The following BAZ2B variants were observed in gnomAD, a reference collection of about 807,000 sequenced individuals.
BAZ2B encodes the protein bromodomain adjacent to zinc finger domain protein 2B.
In BAZ2B, 91 loss-of-function variants were observed where a neutral mutation model predicts 246.0. The ratio of observed to expected loss-of-function variants is 0.37; its 90% CI spans 0.31 to 0.44. The LOEUF (loss-of-function observed/expected upper bound fraction) is 0.44, where lower values mean the gene tolerates loss of function less well. Among genes scored for constraint, BAZ2B ranks in the 20% least tolerant of loss-of-function variants. The pLI is 1.00. For missense variants in BAZ2B, 2,332 were observed against 2,533.7 expected, an observed-to-expected ratio of 0.92 and a Z score of 1.71; for synonymous variants, 855 against 860.0, an observed-to-expected ratio of 0.99 and a Z score of 0.10.
At chr2:159,378,075 A>T (rs1224727974) in intron 25 of BAZ2B, among the ~76,000 whole-genome samples, 1 of 152,198 alleles carries the variant, frequency 6.6e-6, no homozygotes, top group Non-Finnish European at 1.5e-5. Context: ...CTTTAAAACA[A>T]TTTATAATGT....
At chr2:159,570,589 T>C (rs148139688) in intron 1 of BAZ2B, among the ~76,000 whole-genome samples, 34 of 152,334 alleles carry the variant, frequency 2.2e-4, no homozygotes, top group African/African-American at 7.5e-4. Flanking sequence ...CCTGAGAAGA[T>C]AGTGACCTCA....
At chr2:159,398,111 A>C (rs1412604198) in intron 18 of BAZ2B, 1 of 152,124 alleles carries the variant, frequency 6.6e-6, no homozygotes. Flanking sequence ...AAAAATAAAC[A>C]GTTCCCTGGC....
chr2:159,521,488 T>C (rs901993249), intron 2 of BAZ2B, among the ~76,000 whole-genome samples: 1 of 152,066 alleles, frequency 6.6e-6, no homozygotes, highest in African/African-American at 2.4e-5. Flanking sequence ...GAACAGACAT[T>C]GCATAACAAT....
chr2:159,680,751 T>A, the BAZ2B span, among the ~76,000 whole-genome samples: 1 of 152,148 alleles, frequency 6.6e-6, no homozygotes, highest in Non-Finnish European at 1.5e-5. Flanking sequence ...TCCTTATTCC[T>A]GTCCTTTGCA....
intron 2 of BAZ2B, among the ~76,000 whole-genome samples, chr2:159,507,153 T>C (rs2082416625): frequency 1.3e-5 from 2 of 152,194 alleles, no homozygotes; most frequent in South Asian, 4.1e-4. Flanking sequence ...AATGCTTAGA[T>C]GGTCGTCAAA....
the BAZ2B span, among the ~76,000 whole-genome samples, chr2:159,651,173 T>C: frequency 6.6e-6 from 1 of 152,212 alleles, no homozygotes; most frequent in Non-Finnish European, 1.5e-5. Context: ...ATTTTACCAT[T>C]ACTCTTACAT....
chr2:159,358,865 G>A (rs2059387233), intron 27 of BAZ2B, among the ~76,000 whole-genome samples: 1 of 152,026 alleles, frequency 6.6e-6, no homozygotes, highest in African/African-American at 2.4e-5. Context: ...ATGACTACTG[G>A]GTAAATAACG....
chr2:159,320,335 A>G lies in BAZ2B; in HGVS notation c.6437T>C (p.Ile2146Thr), dbSNP rs1348919395. ...CCTCATATTGTGGCCAGCTCTGCCT[A>G]TATCAGAATCATCTTCATTAAATGT... ...CETFNEDDSD[I>T]GRAGHNMRKY... is the part of the protein sequence containing the mutation. Residue 2146 changes from isoleucine to threonine, a missense_variant, in exon 37 of 37, where the codon ATA becomes ACA. Around this residue, in one of 9 missense-constraint regions of BAZ2B, gnomAD observed 210 missense variants for 232.5 expected, o/e 0.90. Transcript: ENST00000392783. 6.3e-7 allele frequency: 1 copy of G among 1,584,898 alleles called. No homozygotes were observed. The highest frequency in any genetic ancestry group is 8.5e-7 in the Non-Finnish European group (1 of 1,172,752).
At chr2:159,574,679 T>C (rs1684864327) in intron 1 of BAZ2B, among the ~76,000 whole-genome samples, 1 of 152,142 alleles carries the variant, frequency 6.6e-6, no homozygotes, top group Admixed American at 6.5e-5. Context: ...CAATGAAATA[T>C]TATTTGGTAA....
At chr2:159,440,648 T>A (rs2150305324) in intron 6 of BAZ2B, among the ~76,000 whole-genome samples, 1 of 152,014 alleles carries the variant, frequency 6.6e-6, no homozygotes, top group African/African-American at 2.4e-5. Context: ...CCTGAGTAGC[T>A]GGGATTACAG....
At chr2:159,675,595 T>A in the BAZ2B span, among the ~76,000 whole-genome samples, 1 of 152,208 alleles carries the variant, frequency 6.6e-6, no homozygotes, top group Non-Finnish European at 1.5e-5. Context: ...AGGTACAATT[T>A]TATCTAAAAT....
the BAZ2B span, among the ~76,000 whole-genome samples, chr2:159,642,290 TGCAATA>T: frequency 2.7e-5 from 4 of 148,358 alleles, no homozygotes; most frequent in Admixed American, 2.8e-4. Context: ...TAGGCTGGAG[TGCAATA>T]GCACCATCTT....
chr2:159,635,043 C>T, the BAZ2B span, among the ~76,000 whole-genome samples: 2 of 152,042 alleles, frequency 1.3e-5, no homozygotes, highest in Non-Finnish European at 2.9e-5. Context: ...TTTAGTATGG[C>T]TAAAGTCTAG....
rs200894573 is a variant in BAZ2B at position 159,369,094 on chromosome 2, ATTATC to A, written c.4213+3946_4213+3950del. Among the ~76,000 whole-genome samples, 4 of 152,302 alleles carry A rather than the reference ATTATC, an allele frequency of 2.6e-5. No homozygotes were observed. In the East Asian group the frequency reaches 7.7e-4, roughly 29 times the overall value. ...ATGTGCTAAAATAATGGTCTAATTA[ATTATC>A]TGCTTTTCTGGGAGTTCAATTTCAC... On this transcript the variant is annotated intron_variant, in intron 27 of 36. Transcript: ENST00000392783.
intron 2 of BAZ2B, among the ~76,000 whole-genome samples, chr2:159,547,190 C>T (rs2087478804): frequency 6.6e-6 from 1 of 152,078 alleles, no homozygotes; most frequent in Non-Finnish European, 1.5e-5. Flanking sequence ...AAACAGCATA[C>T]TTTGCATGTT....
chr2:159,691,032 C>A, the BAZ2B span, among the ~76,000 whole-genome samples: 3 of 152,016 alleles, frequency 2.0e-5, no homozygotes, highest in Non-Finnish European at 4.4e-5. Context: ...TGTATATATA[C>A]ATATACCTAT....
At chr2:159,363,033 CT>C (rs533915837) in intron 27 of BAZ2B, among the ~76,000 whole-genome samples, 149 of 152,278 alleles carry the variant, frequency 9.8e-4, no homozygotes, top group African/African-American at 3.4e-3. Context: ...GAGCAAGACT[CT>C]TATTAGCTCC....
intron 34 of BAZ2B, among the ~76,000 whole-genome samples, chr2:159,328,571 A>G (rs563101357): frequency 1.4e-4 from 22 of 152,272 alleles, no homozygotes; most frequent in African/African-American, 5.1e-4. Flanking sequence ...ACATTCCTAC[A>G]TGGCAACAAT....
chr2:159,536,109 G>A (rs1053964988), intron 2 of BAZ2B: 3 of 152,188 alleles, frequency 2.0e-5, no homozygotes, highest in Non-Finnish European at 2.9e-5. Context: ...TTAGTCCAGT[G>A]AATATTTATT....
Sources: gnomAD v4.1 joint callset for allele counts (sites outside exome capture counted in the v4.1 genomes callset) on GRCh38, gnomAD v4.1.1 for gene constraint, gnomAD v4.1.1 regional missense constraint, MANE v1.5 for transcripts, NCBI Gene and HGNC (gene_info 2026-07-23, HGNC 2026-07-21) for gene names.